Variants in BNC2 observed in about 807,000 individuals in gnomAD.
The protein encoded by BNC2 is basonuclin zinc finger protein 2.
Under a neutral mutation model 76.3 loss-of-function variants are expected in BNC2, and 20 were observed. That is an observed-to-expected ratio of 0.26 (90% confidence interval 0.18 to 0.38). The LOEUF (loss-of-function observed/expected upper bound fraction) is 0.38, where lower values mean the gene tolerates loss of function less well. Among genes scored for constraint, BNC2 ranks in the 10% least tolerant of loss-of-function variants. The probability of loss-of-function intolerance (pLI) is 1.00; values close to 1 mark genes in which losing one functional copy is unlikely to be tolerated. For missense variants in BNC2, 1,382 were observed against 1,399.8 expected, an observed-to-expected ratio of 0.99 and a Z score of 0.20; for synonymous variants, 582 against 514.8, an observed-to-expected ratio of 1.13 and a Z score of -1.77.
intron 3 of BNC2, among the ~76,000 whole-genome samples, chr9:16,704,513 T>G (rs1239325434): frequency 1.3e-5 from 2 of 151,716 alleles, no homozygotes; most frequent in Non-Finnish European, 2.9e-5. Flanking sequence ...ACTGAAAACC[T>G]TTGGCTGCAA....
intron 1 of BNC2, among the ~76,000 whole-genome samples, chr9:16,772,572 G>A (rs1825859992): frequency 6.6e-6 from 1 of 151,734 alleles, no homozygotes. Context: ...CTAAAACCTA[G>A]GGAAAAAAAA....
intron 1 of BNC2, among the ~76,000 whole-genome samples, chr9:16,744,481 CATATTA>C (rs1048760736): frequency 2.7e-4 from 41 of 152,150 alleles, no homozygotes; most frequent in African/African-American, 8.2e-4. Flanking sequence ...GATGATTATT[CATATTA>C]ATGAGTTTGG....
chr9:16,679,111 G>A (rs1284376711), intron 3 of BNC2, among the ~76,000 whole-genome samples: 1 of 152,002 alleles, frequency 6.6e-6, no homozygotes, highest in Non-Finnish European at 1.5e-5. Context: ...TGCAATCACA[G>A]CCAGACTCTA....
chr9:16,637,889 T>A (rs1821374046), intron 3 of BNC2, among the ~76,000 whole-genome samples: 2 of 152,224 alleles, frequency 1.3e-5, no homozygotes, highest in South Asian at 2.1e-4. Flanking sequence ...TGGTGTAATA[T>A]ACATACAGTG....
At chr9:16,579,198 G>A (rs533782859) in intron 4 of BNC2, among the ~76,000 whole-genome samples, 3 of 152,100 alleles carry the variant, frequency 2.0e-5, no homozygotes, top group Non-Finnish European at 4.4e-5. Context: ...AAAATACTCT[G>A]TGAAAAGTAA....
At chr9:16,518,601 T>C (rs1177791146) in intron 5 of BNC2, among the ~76,000 whole-genome samples, 2 of 72,460 alleles carry the variant, frequency 2.8e-5, no homozygotes, top group East Asian at 7.1e-4. Context: ...GTTGTTGTTG[T>C]TTGTTTGTTT....
At chr9:16,452,421 A>AATC (rs1821360597) in intron 5 of BNC2, among the ~76,000 whole-genome samples, 2 of 152,032 alleles carry the variant, frequency 1.3e-5, no homozygotes, top group African/African-American at 2.4e-5. Flanking sequence ...GAACCATTAC[A>AATC]ATTATTATTA....
chr9:16,786,242 A>C (rs1287417733), intron 1 of BNC2, among the ~76,000 whole-genome samples: 1 of 152,208 alleles, frequency 6.6e-6, no homozygotes, highest in East Asian at 1.9e-4. Context: ...TAACTAAACA[A>C]GGAGTCTTTT....
At chr9:16,576,131 T>C (rs75958865) in intron 4 of BNC2, among the ~76,000 whole-genome samples, 5,003 of 152,316 alleles carry the variant, frequency 0.033, 324 homozygotes, top group East Asian at 0.24. Context: ...CCTGTGCTAC[T>C]GTTCACCAAA....
At chr9:16,537,297 T>C (rs1205722821) in intron 5 of BNC2, among the ~76,000 whole-genome samples, 1 of 152,160 alleles carries the variant, frequency 6.6e-6, no homozygotes, top group Admixed American at 6.5e-5. Context: ...CATGAGTACA[T>C]ACGGTTTCCT....
rs533056504 is a variant in BNC2, at chr9:16,416,711, A to G, written c.*2278T>C. On this transcript the variant is annotated 3_prime_UTR_variant, in exon 7 of 7. Transcript: ENST00000380672. ...GAAGAATTAAAATGGACCCCATAGC[A>G]TCCTCTGAAGGAGGTGAAAAGATAA... is the stretch of plus-strand genomic sequence containing the variant. The G allele has an allele frequency of 7.2e-5, 11 of 152,792 alleles. No homozygotes were observed. Among genetic ancestry groups the G allele is most frequent in the African/African-American group, 2.6e-4 (11 of 41,592 alleles). 9.5% of individuals were successfully genotyped at this position (152,792 alleles called of 1,614,324 possible).
rs1456384896 is a variant in BNC2 at position 16,417,533 on chromosome 9, ACTG to A, written c.*1453_*1455del. 4 of 152,198 alleles carry A rather than the reference ACTG, an allele frequency of 2.6e-5. No homozygotes were observed. The highest frequency in any genetic ancestry group is 9.7e-5 in the African/African-American group (4 of 41,446). 9.4% of individuals were successfully genotyped at this position (152,198 alleles called of 1,614,324 possible). On this transcript the variant is annotated 3_prime_UTR_variant, in exon 7 of 7. Transcript: ENST00000380672. ...GCACATGTTTTCAAAGCTTCCAAGT[ACTG>A]CTGCTGTTAAATGCCTTTTGATTTT...
At chr9:16,852,051 A>C (rs958531730) in intron 1 of BNC2, among the ~76,000 whole-genome samples, 21 of 152,150 alleles carry the variant, frequency 1.4e-4, no homozygotes, top group Admixed American at 2.6e-4. Context: ...CAGATTTTAC[A>C]CTCTCACCCG....
At chr9:16,442,769 G>A (rs989427234) in intron 5 of BNC2, among the ~76,000 whole-genome samples, 7 of 152,064 alleles carry the variant, frequency 4.6e-5, no homozygotes, top group African/African-American at 9.7e-5. Context: ...AACACTGGAC[G>A]CAGCACGGAT....
At chr9:16,500,629 G>A (rs769638322) in intron 5 of BNC2, among the ~76,000 whole-genome samples, 10 of 151,982 alleles carry the variant, frequency 6.6e-5, no homozygotes, top group Admixed American at 1.3e-4. Context: ...TTCTATATGC[G>A]CTTGCAAATT....
At chr9:16,636,460 AC>A (rs1475906871) in intron 3 of BNC2, among the ~76,000 whole-genome samples, 4 of 151,896 alleles carry the variant, frequency 2.6e-5, no homozygotes, top group Non-Finnish European at 4.4e-5. Flanking sequence ...AGGCAACCAC[AC>A]CCAGCTAATT....
chr9:16,489,873 C>T (rs975727041), intron 5 of BNC2, among the ~76,000 whole-genome samples: 1 of 152,118 alleles, frequency 6.6e-6, no homozygotes, highest in African/African-American at 2.4e-5. Flanking sequence ...TCAAAACTAC[C>T]GGCAGTAGAA....
At chr9:16,511,387 A>T (rs986226068) in intron 5 of BNC2, among the ~76,000 whole-genome samples, 2 of 147,064 alleles carry the variant, frequency 1.4e-5, no homozygotes, top group Non-Finnish European at 3.0e-5. Context: ...CTGGGATCAC[A>T]GCCATGAGCC....
intron 3 of BNC2, among the ~76,000 whole-genome samples, chr9:16,671,780 T>C (rs74842830): frequency 0.019 from 2,900 of 152,272 alleles, 94 homozygotes; most frequent in African/African-American, 0.065. Context: ...CAGCAGATCC[T>C]GGTTTTAACA....
Sources: gnomAD v4.1 joint callset for allele counts (sites outside exome capture counted in the v4.1 genomes callset) on GRCh38, gnomAD v4.1.1 for gene constraint, MANE v1.5 for transcripts, NCBI Gene and HGNC (gene_info 2026-07-23, HGNC 2026-07-21) for gene names.